ITGAL: variants seen among roughly 807,000 people sequenced by gnomAD.
ITGAL encodes the protein integrin subunit alpha L.
Under a neutral mutation model 138.4 loss-of-function variants are expected in ITGAL, and 68 were observed. The ratio of observed to expected loss-of-function variants is 0.49; its 90% CI spans 0.40 to 0.60. ITGAL has a LOEUF of 0.60. Ranked by LOEUF, ITGAL falls within the 20% of genes least tolerant of loss-of-function variation. The pLI is 0.00. For synonymous variants in ITGAL, 561 were observed against 584.3 expected (o/e 0.96, Z 0.57); for missense variants, 1,256 against 1,478.6 (o/e 0.85, Z 2.47).
chr16:30,517,987 C>T (rs2151208050), intron 28 of ITGAL, 92 bp downstream of exon 28: 2 of 981,834 alleles, frequency 2.0e-6, no homozygotes, highest in Non-Finnish European at 3.2e-6. Context: ...AGTCTGCCTC[C>T]ATTTTTGTTT....
chr16:30,511,061 A>T lies in ITGAL; in HGVS notation c.2711A>T (p.Asp904Val). ...LHANVTCNNEDSDLLEDNSAT... is the reference protein window; with the variant it reads ...LHANVTCNNEVSDLLEDNSAT... Reference sequence around the variant, plus strand: ...TTGCCCCAATGCAGTAACAATGAGGACTCAGACCTCCTGGAGGACAACTCA... The same window carrying T: ...TTGCCCCAATGCAGTAACAATGAGGTCTCAGACCTCCTGGAGGACAACTCA... Residue 904 changes from aspartate to valine, a missense_variant, in exon 24 of 31, where the codon GAC becomes GTC. Coordinates refer to ENST00000356798, the MANE Select transcript of ITGAL (RefSeq NM_002209.3). 1 of 1,613,698 alleles carries T rather than the reference A, an allele frequency of 6.2e-7. No individual in the cohort carries two copies. Among genetic ancestry groups the T allele is most frequent in the Non-Finnish European group, 8.5e-7 (1 of 1,179,778 alleles).
Position 30,494,624 on chromosome 16 carries a change from T to G in ITGAL, c.1366-89T>G. ...AGATTGGAACCTGCATTTGAGGGAGTGGCACAAGATGAACACGGTACAGGT... is the reference window on the plus strand; with the variant it reads ...AGATTGGAACCTGCATTTGAGGGAGGGGCACAAGATGAACACGGTACAGGT... On this transcript the variant is annotated intron_variant, in intron 12 of 30. Transcript: ENST00000356798. The surrounding 1 kb of genome is among the most constrained non-coding windows in gnomAD (Gnocchi z 4.2). 2 of 1,430,108 alleles carry G rather than the reference T, an allele frequency of 1.4e-6. No homozygotes were observed. The highest frequency in any genetic ancestry group is 1.5e-5 in the South Asian group (1 of 68,766). 88.6% of individuals were successfully genotyped at this position (1,430,108 alleles called of 1,614,324 possible). A position where few individuals can be genotyped will look rare whatever the true frequency, so the allele number is the denominator to read the frequency against.
Position 30,494,720 on chromosome 16 carries a change from C to T in ITGAL, c.1373C>T (p.Ser458Phe), listed in dbSNP as rs749975959. The T allele has an allele frequency of 2.2e-5, 35 of 1,608,948 alleles. No individual in the cohort carries two copies. Among genetic ancestry groups the T allele is most frequent in the Non-Finnish European group, 2.8e-5 (33 of 1,177,646 alleles). ...VQTIHGTQIG[S>F]YFGGELCGVD... ...ACCTGCCTCTCCCCACAGATTGGCT[C>T]TTATTTCGGTGGGGAGCTGTGTGGC... Residue 458 changes from serine (S) to phenylalanine (F), a missense_variant, in exon 13 of 31, where the codon TCT becomes TTT. Physicochemically the swap from Ser to Phe is radical, Grantham distance 155 (BLOSUM62 -2). Transcript: ENST00000356798. The surrounding 1 kb of genome is among the most constrained non-coding windows in gnomAD (Gnocchi z 4.2).
In ITGAL at chr16:30,510,846, C is replaced by A. The variant is rs549204386; in HGVS notation, c.2620-35C>A. The A allele has an allele frequency of 4.5e-6, 7 of 1,562,482 alleles. No homozygotes were observed. The African/African-American group carries it at 9.5e-5, about 21-fold the overall frequency. On this transcript the variant is annotated intron_variant, in intron 22 of 30. Coordinates refer to ENST00000356798, the MANE Select transcript of ITGAL (RefSeq NM_002209.3). Reference sequence around the variant, plus strand: ...GGGCCATGAGGCTGCTCCTCATGACCCTTCCATTTCCATTGCCCTCTCCTT... The same window carrying A: ...GGGCCATGAGGCTGCTCCTCATGACACTTCCATTTCCATTGCCCTCTCCTT...
intron 2 of ITGAL, 154 bp from the exon 3 acceptor site, chr16:30,475,152 A>G: frequency 1.6e-6 from 1 of 618,802 alleles, no homozygotes; most frequent in South Asian, 2.1e-5. Flanking sequence ...AGTTACAGGC[A>G]TGAGCCACCC....
In ITGAL at chr16:30,483,943, T is replaced by C. The variant is rs142620368; in HGVS notation, c.839T>C (p.Ile280Thr). Residue 280 changes from isoleucine (I) to threonine (T), a missense_variant, in exon 8 of 31, where the codon ATC becomes ACC. Coordinates refer to ENST00000356798, the MANE Select transcript of ITGAL (RefSeq NM_002209.3). ...AACATCGATGCGGCCAAAGACATCA[T>C]CCGCTACATCATCGGGGTAGGGCCC... ...SGNIDAAKDI[I>T]RYIIGIGKHF... 2.2e-5 allele frequency: 35 copies of C among 1,613,480 alleles called. No homozygotes were observed. The highest frequency in any genetic ancestry group is 3.3e-5 in the Admixed American group (2 of 59,972).
intron 17 of ITGAL, among the ~76,000 whole-genome samples, chr16:30,499,818 G>A (rs959186077): frequency 4.2e-5 from 6 of 142,264 alleles, no homozygotes; most frequent in African/African-American, 1.6e-4. Context: ...GCACGATCTC[G>A]GCTCATGGCC....
rs1298405619 is a variant in ITGAL, at chr16:30,479,197, C to T, written c.434C>T (p.Pro145Leu). ...NLQGPMLQGR[P>L]GFQECIKGNV... ...CAGGGTCCCATGCTGCAGGGGCGCC[C>T]TGGTTTTCAGGGTAAGGAACTGGGG... The change falls in exon 5 of 31, where the codon CCT (proline) becomes CTT (leucine). Residue 145 changes from proline (P) to leucine (L), a missense_variant. Coordinates refer to ENST00000356798, the MANE Select transcript of ITGAL (RefSeq NM_002209.3). 2.5e-6 allele frequency: 4 copies of T among 1,613,962 alleles called. No individual in the cohort carries two copies. The highest frequency in any genetic ancestry group is 3.4e-6 in the Non-Finnish European group (4 of 1,180,002).
chr16:30,515,447 C>G (rs2051152112), intron 25 of ITGAL, among the ~76,000 whole-genome samples: 1 of 152,216 alleles, frequency 6.6e-6, no homozygotes, highest in Admixed American at 6.5e-5. Context: ...TGGAGCCACT[C>G]TCTTCCTCTG....
At chr16:30,486,470 C>T (rs2050648357) in intron 9 of ITGAL, among the ~76,000 whole-genome samples, 1 of 149,438 alleles carries the variant, frequency 6.7e-6, no homozygotes, top group South Asian at 2.1e-4. Context: ...GAAGCCATGT[C>T]TAAATAATTA....
At chr16:30,502,809 G>A (rs1025854985) in intron 17 of ITGAL, among the ~76,000 whole-genome samples, 4 of 136,678 alleles carry the variant, frequency 2.9e-5, no homozygotes, top group African/African-American at 9.9e-5. Flanking sequence ...TTTGAAGTTT[G>A]TTTTAAACTT....
chr16:30,505,042 G>A (rs2050965284), intron 18 of ITGAL: 1 of 385,988 alleles, frequency 2.6e-6, no homozygotes, highest in Non-Finnish European at 4.6e-6. Context: ...AAAAAGAGCT[G>A]CCAGCAGAGT....
intron 30 of ITGAL, among the ~76,000 whole-genome samples, chr16:30,520,295 C>T (rs1055827866): frequency 1.3e-5 from 2 of 152,054 alleles, no homozygotes; most frequent in Non-Finnish European, 2.9e-5. Flanking sequence ...ATTAGGGGGA[C>T]GTGATGCTAC....
chr16:30,477,039 G>T (rs909249173), intron 4 of ITGAL: 1 of 152,212 alleles, frequency 6.6e-6, no homozygotes, highest in African/African-American at 2.4e-5. Context: ...CTTGACCAAG[G>T]TCACATGGTT....
chr16:30,503,129 T>C (rs1199258094), intron 17 of ITGAL, among the ~76,000 whole-genome samples: 1 of 152,140 alleles, frequency 6.6e-6, no homozygotes, highest in Non-Finnish European at 1.5e-5. Flanking sequence ...TTAAACTTTT[T>C]ATTATGAGAA....
intron 15 of ITGAL, among the ~76,000 whole-genome samples, chr16:30,497,171 T>C (rs1156725636): frequency 1.3e-5 from 2 of 151,914 alleles, no homozygotes; most frequent in East Asian, 2.0e-4. Context: ...GGTGAAACCC[T>C]GTCTCTACTA....
intron 9 of ITGAL, among the ~76,000 whole-genome samples, chr16:30,484,645 G>A (rs2050613098): frequency 6.8e-6 from 1 of 147,004 alleles, no homozygotes; most frequent in Non-Finnish European, 1.5e-5. Flanking sequence ...ATGGCCGGAC[G>A]CGGTGGCTCA....
chr16:30,494,122 C>A lies in ITGAL; in HGVS notation c.1214-90C>A. 8.5e-7 allele frequency: 1 copy of A among 1,182,560 alleles called. No homozygotes were observed. Among genetic ancestry groups the A allele is most frequent in the Non-Finnish European group, 1.2e-6 (1 of 836,398 alleles). 73.3% of individuals were successfully genotyped at this position (1,182,560 alleles called of 1,614,324 possible). ...TGTTTCCATGCATCTCTGCTACTAA[C>A]CCAATTCCCTGGGGCCCCTGCCCCT... On this transcript the variant is annotated intron_variant, in intron 11 of 30. Transcript: ENST00000356798. The surrounding 1 kb of genome is among the most constrained non-coding windows in gnomAD (Gnocchi z 4.2).
intron 24 of ITGAL, among the ~76,000 whole-genome samples, chr16:30,512,615 G>A (rs952269741): frequency 3.3e-5 from 5 of 151,486 alleles, no homozygotes; most frequent in Admixed American, 6.6e-5. Flanking sequence ...ACTCAAAATC[G>A]AGTGGCTTTT....
Sources: gnomAD v4.1 joint callset for allele counts (sites outside exome capture counted in the v4.1 genomes callset) on GRCh38, gnomAD v4.1.1 for gene constraint, Gnocchi (gnomAD v3.1) non-coding constraint, MANE v1.5 for transcripts, NCBI Gene and HGNC (gene_info 2026-07-23, HGNC 2026-07-21) for gene names.